PPP1R13L: variants seen among roughly 807,000 people sequenced by gnomAD.
PPP1R13L encodes relA-associated inhibitor.
Under a neutral mutation model 80.9 loss-of-function variants are expected in PPP1R13L, and 50 were observed. The ratio of observed to expected loss-of-function variants is 0.62; its 90% CI spans 0.49 to 0.78. The LOEUF is 0.78. PPP1R13L is among the 30% of genes least tolerant of loss of function. The pLI, the probability that PPP1R13L is intolerant of heterozygous loss-of-function variation, is 0.00. For missense variants in PPP1R13L, 1,200 were observed against 1,205.9 expected, an observed-to-expected ratio of 1.00 and a Z score of 0.07; for synonymous variants, 602 against 534.3, an observed-to-expected ratio of 1.13 and a Z score of -1.75.
chr19:45,397,372 CTCTT>C (rs1411107682), intron 3 of PPP1R13L, among the ~76,000 whole-genome samples: 4 of 151,102 alleles, frequency 2.6e-5, no homozygotes, highest in African/African-American at 7.4e-5. Context: ...TTCTTTCTCT[CTCTT>C]TCTTTTCTTT....
In PPP1R13L at chr19:45,395,862, G is replaced by T; in HGVS notation, c.928C>A (p.Pro310Thr). The T allele has an allele frequency of 6.3e-7, 1 of 1,594,976 alleles. No homozygotes were observed. The highest frequency in any genetic ancestry group is 8.5e-7 in the Non-Finnish European group (1 of 1,172,106). The change falls in exon 7 of 13, where the codon CCG becomes ACG. Residue 310 changes from proline (P) to threonine (T), a missense_variant. This residue lies in a region of PPP1R13L where 764 missense variants were observed against 714.5 expected (regional missense o/e 1.07). Coordinates refer to ENST00000360957, the MANE Select transcript of PPP1R13L (RefSeq NM_006663.4). The part of the protein sequence containing the change: ...GKDNLTSATL[P>T]RNYKVSPLAS... Reference sequence around the variant, plus strand: ...AGAGGAGAGACCTTGTAATTGCGCGGCAGGGTGGCGCTAGTGAGGTTGTCC... The same window carrying T: ...AGAGGAGAGACCTTGTAATTGCGCGTCAGGGTGGCGCTAGTGAGGTTGTCC...
rs569969668 is a variant in PPP1R13L at position 45,398,023 on chromosome 19, C to T, written c.180G>A (p.Gln60=). The T allele has an allele frequency of 1.2e-6, 2 of 1,612,958 alleles. No homozygotes were observed. Among genetic ancestry groups the T allele is most frequent in the South Asian group, 1.1e-5 (1 of 91,000 alleles). ...GGCTTACCCTAGAAGGGGGTCCGGC[C>T]TGCGGGCCAGGAGGCGCGGGAGAGT... is the stretch of plus-strand genomic sequence containing the variant. ...WSDSPAPPGP[Q]AGPPSRPPRY... Residue 60 remains glutamine (Q), a synonymous_variant, in exon 3 of 13, where the codon CAG becomes CAA. Transcript: ENST00000360957.
intron 3 of PPP1R13L, 28 bp downstream of exon 3, chr19:45,397,967 AGGCTGGCTTT>A: frequency 6.3e-7 from 1 of 1,585,972 alleles, no homozygotes; most frequent in Non-Finnish European, 8.6e-7. Flanking sequence ...CTGTGGCGAG[AGGCTGGCTTT>A]GGAGATCAAG....
intron 8 of PPP1R13L, among the ~76,000 whole-genome samples, chr19:45,386,938 A>G (rs570643230): frequency 6.7e-6 from 1 of 150,290 alleles, no homozygotes; most frequent in South Asian, 2.1e-4. Context: ...GCCCAGCCTC[A>G]TGGGCTTTCT....
intron 11 of PPP1R13L, among the ~76,000 whole-genome samples, chr19:45,384,644 G>A (rs1346904188): frequency 6.6e-6 from 1 of 152,110 alleles, no homozygotes; most frequent in Non-Finnish European, 1.5e-5. Flanking sequence ...CTGAGCTCAA[G>A]AGTTCGGGAC....
chr19:45,401,819 G>T (rs1054354917), intron 1 of PPP1R13L, among the ~76,000 whole-genome samples: 1 of 152,098 alleles, frequency 6.6e-6, no homozygotes, highest in African/African-American at 2.4e-5. Context: ...AAATCTGAGG[G>T]CCGGGCATGG....
rs1382527148 is a variant in PPP1R13L at position 45,399,422 on chromosome 19, A to T, written c.-21-1083T>A. 2.1e-5 allele frequency among the ~76,000 whole-genome samples: 3 copies of T among 145,608 alleles called. No homozygotes were observed. The Admixed American group carries it at 2.1e-4, about 10-fold the overall frequency. ...GGCGGATCACGAGGTCAGGAGAGCG[A>T]GACCATCCTGGCTAACATGGTGAAA... On this transcript the variant is annotated intron_variant, in intron 1 of 12. Transcript: ENST00000360957.
rs751424848 is a variant in PPP1R13L, at chr19:45,396,255, C to A, written c.816G>T (p.Leu272=). 1 of 1,611,750 alleles carries A rather than the reference C, an allele frequency of 6.2e-7. No individual in the cohort carries two copies. The highest frequency in any genetic ancestry group is 1.1e-5 in the South Asian group (1 of 90,978). Reference sequence around the variant, plus strand: ...GCGAGGCAGGCCTTGCGAAGACGTCCAGGCCTGCGGGGCGGGAATCATTAG... The same window carrying A: ...GCGAGGCAGGCCTTGCGAAGACGTCAAGGCCTGCGGGGCGGGAATCATTAG... The part of the protein sequence containing the change: ...KPSQTASYER[L]DVFARPASPS... The change falls in exon 6 of 13, where the codon CTG becomes CTT. Residue 272 remains leucine (L), a synonymous_variant. Coordinates refer to ENST00000360957, the MANE Select transcript of PPP1R13L (RefSeq NM_006663.4). This position sits in a 1 kb window ranked among gnomAD's most constrained non-coding sequence, Gnocchi z 5.3.
intron 7 of PPP1R13L, 166 bp downstream of exon 7, chr19:45,395,270 T>G (rs1353725593): frequency 1.1e-6 from 1 of 911,274 alleles, no homozygotes; most frequent in Admixed American, 2.0e-5. Context: ...GAGCTATCCC[T>G]GGCTCCTACC....
intron 7 of PPP1R13L, among the ~76,000 whole-genome samples, chr19:45,393,453 G>A (rs1299784779): frequency 6.6e-6 from 1 of 151,878 alleles, no homozygotes; most frequent in Non-Finnish European, 1.5e-5. Flanking sequence ...TTAGTTGGGT[G>A]TGGTGGTGCA....
At chr19:45,392,455 A>T (rs1972997926) in intron 7 of PPP1R13L, 115 bp from the exon 8 acceptor site, 2 of 1,089,684 alleles carry the variant, frequency 1.8e-6, no homozygotes, top group African/African-American at 3.1e-5. Context: ...ACCTCAGGGA[A>T]GTTCCTTGCC....
At chr19:45,382,996 C>CTTTTTT (rs60366714) in intron 11 of PPP1R13L, among the ~76,000 whole-genome samples, 4,721 of 126,106 alleles carry the variant, frequency 0.037, 242 homozygotes, top group East Asian at 0.065. Flanking sequence ...TCTTTTCTTT[C>CTTTTTT]TTTTTTTTTT....
chr19:45,406,207 T>C, upstream of PPP1R13L: 2 of 791,410 alleles, frequency 2.5e-6, no homozygotes, highest in Non-Finnish European at 3.1e-6. This position sits in a 1 kb window ranked among gnomAD's most constrained non-coding sequence, Gnocchi z 4.2. Flanking sequence ...CTTCTCCCAG[T>C]CAAGTTCTGA....
intron 1 of PPP1R13L, among the ~76,000 whole-genome samples, chr19:45,399,551 G>A (rs987185220): frequency 6.6e-6 from 1 of 151,608 alleles, no homozygotes; most frequent in Admixed American, 6.6e-5. Flanking sequence ...GTGAACCCGG[G>A]AGGTGGAGCT....
At chr19:45,402,757 C>T in intron 1 of PPP1R13L, among the ~76,000 whole-genome samples, 1 of 152,218 alleles carries the variant, frequency 6.6e-6, no homozygotes, top group East Asian at 1.9e-4. Flanking sequence ...GGGCTCTGGG[C>T]CAGCCGCAGG....
rs370994861 is a variant in PPP1R13L, at chr19:45,398,324, C to A, written c.-6G>T. The A allele has an allele frequency of 8.1e-5, 130 of 1,613,312 alleles. No individual in the cohort carries two copies. The highest frequency in any genetic ancestry group is 1.1e-4 in the Non-Finnish European group (129 of 1,179,906). ...TGGAATGCCTCGCTGTCCATGGTGC[C>A]GGCCGGAGCGGGCGCCTGCATGGTG... On this transcript the variant is annotated 5_prime_UTR_variant, in exon 2 of 13. Coordinates refer to ENST00000360957, the MANE Select transcript of PPP1R13L (RefSeq NM_006663.4).
intron 8 of PPP1R13L, among the ~76,000 whole-genome samples, chr19:45,388,076 T>G (rs1319938254): frequency 1.3e-5 from 2 of 151,646 alleles, no homozygotes; most frequent in African/African-American, 2.4e-5. Flanking sequence ...GGCCGTGGCA[T>G]GAGAATCACT....
At chr19:45,398,611 G>A (rs1323434434) in intron 1 of PPP1R13L, among the ~76,000 whole-genome samples, 3 of 121,422 alleles carry the variant, frequency 2.5e-5, no homozygotes, top group African/African-American at 9.9e-5. Context: ...TTGTGTATGT[G>A]TGTGAGACAG....
Position 45,396,751 on chromosome 19 carries a change from T to C in PPP1R13L, c.506A>G (p.Gln169Arg). The change falls in exon 4 of 13, where the codon CAG becomes CGG. Residue 169 changes from glutamine to arginine, a missense_variant. Gln to Arg is a conservative substitution (Grantham distance 43). This residue lies in a region of PPP1R13L where 764 missense variants were observed against 714.5 expected (regional missense o/e 1.07). Transcript: ENST00000360957. This position sits in a 1 kb window ranked among gnomAD's most constrained non-coding sequence, Gnocchi z 5.3. ...GAAGTCGAAAGGCGTGGGGGGACCCTGCTGGCGGAGCGGGCCTGGCCCGGG... is the reference window on the plus strand; with the variant it reads ...GAAGTCGAAAGGCGTGGGGGGACCCCGCTGGCGGAGCGGGCCTGGCCCGGG... ...PRPGPGPLRQ[Q>R]GPPTPFDFLG... 6.6e-6 allele frequency: 9 copies of C among 1,358,934 alleles called. No individual in the cohort carries two copies. Among genetic ancestry groups the C allele is most frequent in the Non-Finnish European group, 8.4e-6 (9 of 1,065,616 alleles). The allele number at this position is 1,358,934 out of a possible 1,614,324, so 84.2% of individuals were successfully genotyped here.
Sources: gnomAD v4.1 joint callset for allele counts (sites outside exome capture counted in the v4.1 genomes callset) on GRCh38, gnomAD v4.1.1 for gene constraint, gnomAD v4.1.1 regional missense constraint, Gnocchi (gnomAD v3.1) non-coding constraint, MANE v1.5 for transcripts, NCBI Gene and HGNC (gene_info 2026-07-23, HGNC 2026-07-21) for gene names.